Variants in SEMA3A observed in about 807,000 individuals in gnomAD.
SEMA3A encodes semaphorin 3A.
SEMA3A carries 29 observed loss-of-function variants against 97.9 expected under a neutral mutation model. The ratio of observed to expected loss-of-function variants is 0.30; its 90% confidence interval spans 0.22 to 0.40. SEMA3A has a LOEUF of 0.40. Among genes scored for constraint, SEMA3A ranks in the 10% least tolerant of loss-of-function variants. The pLI is 1.00. For missense variants in SEMA3A, 763 were observed against 951.3 expected (o/e 0.80, Z 2.60); for synonymous variants, 321 against 323.7 (o/e 0.99, Z 0.09).
intron 15 of SEMA3A, among the ~76,000 whole-genome samples, chr7:83,976,910 AT>A: frequency 6.6e-6 from 1 of 152,256 alleles, no homozygotes; most frequent in Non-Finnish European, 1.5e-5. Flanking sequence ...AGCATCTAAA[AT>A]TTTGAATTTA....
At chr7:84,204,167 T>C (rs565792214) in intron 3 of SEMA3A, among the ~76,000 whole-genome samples, 2 of 152,152 alleles carry the variant, frequency 1.3e-5, no homozygotes, top group Admixed American at 1.3e-4. Flanking sequence ...AATATTCTAT[T>C]TTTTTAATTT....
intron 4 of SEMA3A, among the ~76,000 whole-genome samples, chr7:84,065,200 A>G (rs2115718639): frequency 7.2e-6 from 1 of 137,974 alleles, no homozygotes; most frequent in Non-Finnish European, 1.5e-5. Context: ...AGGCAGAAAT[A>G]AAGATGTTCT....
chr7:84,137,025 T>C (rs1035836036), intron 1 of SEMA3A, among the ~76,000 whole-genome samples: 5 of 150,086 alleles, frequency 3.3e-5, no homozygotes, highest in Non-Finnish European at 7.4e-5. Context: ...TGTATTCATG[T>C]GAATCACAGC....
chr7:84,194,446 T>C (rs1441572442), intron 1 of SEMA3A, 29 bp downstream of exon 1: 2 of 1,470,626 alleles, frequency 1.4e-6, no homozygotes, highest in South Asian at 2.3e-5. Flanking sequence ...ATTACAAAGC[T>C]AACCAAATAA....
intron 2 of SEMA3A, among the ~76,000 whole-genome samples, chr7:84,350,957 T>A (rs1399715309): frequency 6.6e-6 from 1 of 152,088 alleles, no homozygotes; most frequent in Non-Finnish European, 1.5e-5. Context: ...GTGTATATTT[T>A]GTGATTCTCC....
rs547256105 is a variant in SEMA3A at position 84,430,159 on chromosome 7, T to A, written c.-245-58259A>T. 5.3e-5 allele frequency among the ~76,000 whole-genome samples: 8 copies of A among 152,102 alleles called. No individual in the cohort carries two copies. In the East Asian group the frequency reaches 1.4e-3, roughly 26 times the overall value. ...AAAATATAGCACAATTTTCTTTCAT[T>A]TGTCTTCCATTTTTTAATAATAATA... On this transcript the variant is annotated intron_variant, in intron 1 of 3. Coordinates refer to the SEMA3A transcript ENST00000424555.
chr7:84,451,157 T>G (rs1805543768), intron 1 of SEMA3A, among the ~76,000 whole-genome samples: 1 of 152,234 alleles, frequency 6.6e-6, no homozygotes, highest in Non-Finnish European at 1.5e-5. Context: ...ATTTAAGTTT[T>G]TAGTCCATTC....
intron 1 of SEMA3A, among the ~76,000 whole-genome samples, chr7:84,486,359 G>A (rs187494574): frequency 6.6e-6 from 1 of 152,306 alleles, no homozygotes; most frequent in Admixed American, 6.5e-5. Context: ...TTGCATTCCA[G>A]CCTGGCGACA....
At chr7:84,011,447 A>G in intron 7 of SEMA3A, 150 bp from the exon 8 acceptor site, 1 of 622,816 alleles carries the variant, frequency 1.6e-6, no homozygotes, top group South Asian at 2.1e-5. Flanking sequence ...GATATAGGTA[A>G]CTATCACTTA....
chr7:84,449,928 G>C (rs978795756), intron 1 of SEMA3A, among the ~76,000 whole-genome samples: 5 of 152,090 alleles, frequency 3.3e-5, no homozygotes, highest in African/African-American at 1.2e-4. Context: ...GTTTTTAAAA[G>C]CTAATTAATA....
chr7:84,218,704 G>A (rs550692984), intron 3 of SEMA3A, among the ~76,000 whole-genome samples: 3 of 152,016 alleles, frequency 2.0e-5, no homozygotes, highest in Non-Finnish European at 4.4e-5. Context: ...TTTCAACTGA[G>A]TATGGTAATA....
chr7:84,200,499 T>A (rs1368084637), intron 3 of SEMA3A, among the ~76,000 whole-genome samples: 1 of 152,108 alleles, frequency 6.6e-6, no homozygotes, highest in Non-Finnish European at 1.5e-5. Context: ...AGAGAAGGGA[T>A]GCATAAAATT....
intron 1 of SEMA3A, among the ~76,000 whole-genome samples, chr7:84,135,992 C>T (rs1223798994): frequency 6.6e-6 from 1 of 152,090 alleles, no homozygotes; most frequent in East Asian, 1.9e-4. Flanking sequence ...AATATAAGTC[C>T]ATTTTTGTGC....
At chr7:84,045,718 T>C (rs1296205013) in intron 6 of SEMA3A, among the ~76,000 whole-genome samples, 3 of 151,922 alleles carry the variant, frequency 2.0e-5, no homozygotes, top group African/African-American at 4.8e-5. Flanking sequence ...AGCCAGTGCC[T>C]GAAGTTCAGA....
intron 1 of SEMA3A, among the ~76,000 whole-genome samples, chr7:84,481,809 T>A (rs907117094): frequency 3.3e-5 from 5 of 151,896 alleles, no homozygotes; most frequent in African/African-American, 9.7e-5. Context: ...TAATTTGTGA[T>A]AAGCACTCAA....
intron 12 of SEMA3A, among the ~76,000 whole-genome samples, chr7:83,993,193 T>C (rs1364881648): frequency 7.7e-6 from 1 of 129,434 alleles, no homozygotes; most frequent in Non-Finnish European, 1.6e-5. Context: ...CATCCTTTTA[T>C]TTTGAGCGTA....
In SEMA3A at chr7:84,454,513, A is replaced by C. The variant is rs2527534; in HGVS notation, c.-246+37947T>G. ...TTATAGTAATTTGAATGTTACTAAAACAGTAACTTTAAATATCATTTTAAA... is the reference window on the plus strand; with the variant it reads ...TTATAGTAATTTGAATGTTACTAAACCAGTAACTTTAAATATCATTTTAAA... On this transcript the variant is annotated intron_variant, in intron 1 of 3. Transcript: ENST00000424555. Among the ~76,000 whole-genome samples the C allele has an allele frequency of 4.2e-3, 641 of 152,274 alleles. 7 individuals carry two copies. The highest frequency in any genetic ancestry group is 0.014 in the African/African-American group (588 of 41,578).
At chr7:84,435,175 G>A (rs187509027) in intron 1 of SEMA3A, among the ~76,000 whole-genome samples, 6 of 151,718 alleles carry the variant, frequency 4.0e-5, no homozygotes, top group South Asian at 2.1e-4. Flanking sequence ...CAAAATTAAC[G>A]TACAAAAATC....
At chr7:84,105,838 CAT>C (rs1436335462) in intron 4 of SEMA3A, among the ~76,000 whole-genome samples, 4 of 152,146 alleles carry the variant, frequency 2.6e-5, no homozygotes, top group Admixed American at 2.0e-4. Flanking sequence ...ACTCCAAACT[CAT>C]GTGTACTCTA....
Sources: gnomAD v4.1 joint callset for allele counts (sites outside exome capture counted in the v4.1 genomes callset) on GRCh38, gnomAD v4.1.1 for gene constraint, MANE v1.5 for transcripts, NCBI Gene and HGNC (gene_info 2026-07-23, HGNC 2026-07-21) for gene names.